Variants in PCNT observed in about 807,000 individuals in gnomAD.
PCNT encodes the protein pericentrin.
PCNT carries 319 observed loss-of-function variants against 380.4 expected under a neutral mutation model. The ratio of observed to expected loss-of-function variants is 0.84; its 90% CI spans 0.77 to 0.92. PCNT has a LOEUF of 0.92. Among genes scored for constraint, PCNT ranks in the 40% least tolerant of loss-of-function variants. The probability of loss-of-function intolerance (pLI) is 0.00; values close to 1 mark genes in which losing one functional copy is unlikely to be tolerated. For missense variants in PCNT, 4,400 were observed against 4,255.3 expected, an observed-to-expected ratio of 1.03 and a Z score of -0.95; for synonymous variants, 1,845 against 1,735.2, an observed-to-expected ratio of 1.06 and a Z score of -1.57.
At chr21:46,345,490 T>C (rs1346205187) in intron 3 of PCNT, among the ~76,000 whole-genome samples, 2 of 152,214 alleles carry the variant, frequency 1.3e-5, no homozygotes, top group East Asian at 3.8e-4. Context: ...ATTCTGGGAT[T>C]ATAGGCGTGA....
chr21:46,364,559 G>A (rs2084833489), intron 14 of PCNT, among the ~76,000 whole-genome samples: 1 of 152,204 alleles, frequency 6.6e-6, no homozygotes, highest in African/African-American at 2.4e-5. Context: ...AAGCGTTTTT[G>A]TGTTTTTTTT....
Position 46,445,362 on chromosome 21 carries a change from ATT to A in PCNT, c.*37_*38del. 1.3e-6 allele frequency: 2 copies of A among 1,519,138 alleles called. No individual in the cohort carries two copies. Among genetic ancestry groups the A allele is most frequent in the African/African-American group, 1.4e-5 (1 of 73,130 alleles). 94.1% of individuals were successfully genotyped at this position (1,519,138 alleles called of 1,614,324 possible). A position where few individuals can be genotyped will look rare whatever the true frequency, so the allele number is the denominator to read the frequency against. ...CATGGCTCTTTCCTGCGACAATTCTATTTGAGGAAAAGATTTGTTTTTCCCTT... is the reference window on the plus strand; with the variant it reads ...CATGGCTCTTTCCTGCGACAATTCTATGAGGAAAAGATTTGTTTTTCCCTT... On this transcript the variant is annotated 3_prime_UTR_variant, in exon 47 of 47. Coordinates refer to ENST00000359568, the MANE Select transcript of PCNT (RefSeq NM_006031.6).
At chr21:46,358,185 C>T (rs755303055) in intron 13 of PCNT, among the ~76,000 whole-genome samples, 7 of 152,250 alleles carry the variant, frequency 4.6e-5, no homozygotes, top group African/African-American at 7.2e-5. Context: ...GACGGGGCAG[C>T]TCAGGGTCCA....
chr21:46,354,075 G>C lies in PCNT; in HGVS notation c.1761+7G>C, dbSNP rs200657083. ...CGAGCCTGAGCGACATAAGGTAATT[G>C]GCCGCGCGCTGAGAAGTGGGGGAGT... On this transcript the variant is annotated splice_region_variant and intron_variant, in intron 11 of 46. Transcript: ENST00000359568. 2 of 1,613,124 alleles carry C rather than the reference G, an allele frequency of 1.2e-6. No individual in the cohort carries two copies. The highest frequency in any genetic ancestry group is 3.3e-5 in the Admixed American group (2 of 60,004).
rs1484616455 is a variant in PCNT, at chr21:46,366,746, G to T, written c.2772G>T (p.Gln924His). The T allele has an allele frequency of 1.2e-6, 2 of 1,613,558 alleles. No individual in the cohort carries two copies. The highest frequency in any genetic ancestry group is 3.3e-5 in the Admixed American group (2 of 60,030). ...SVTAELEARH[Q>H]AALGELTASL... is the part of the protein sequence containing the mutation. ...CGGCGGAGCTCGAGGCCAGACACCA[G>T]GCCGCGTTGGGCGAGCTGACAGCCT... is the stretch of plus-strand genomic sequence containing the variant. The change falls in exon 15 of 47, where the codon CAG (glutamine) becomes CAT (histidine). Residue 924 changes from glutamine to histidine, a missense_variant. Physicochemically the swap from Gln to His is conservative, Grantham distance 24. Transcript: ENST00000359568.
At chr21:46,334,860 C>T (rs752015719) in intron 3 of PCNT, 92 bp downstream of exon 3, 11 of 1,577,898 alleles carry the variant, frequency 7.0e-6, no homozygotes, top group African/African-American at 1.4e-5. Flanking sequence ...CCTTCCATCT[C>T]TGCAGGGCCT....
rs1385950267 is a variant in PCNT at position 46,411,817 on chromosome 21, C to A, written c.5744C>A (p.Ala1915Glu). The A allele has an allele frequency of 6.3e-7, 1 of 1,577,892 alleles. No homozygotes were observed. The highest frequency in any genetic ancestry group is 1.1e-5 in the South Asian group (1 of 89,182). ...LEQQPLAAGA[A>E]PPELQWLRAQ... is the part of the protein sequence containing the mutation. Reference sequence around the variant, plus strand: ...CAGCAGCCCCTGGCAGCCGGGGCGGCGCCTCCCGAGCTGCAGTGGCTCCGA... The same window carrying A: ...CAGCAGCCCCTGGCAGCCGGGGCGGAGCCTCCCGAGCTGCAGTGGCTCCGA... The change falls in exon 28 of 47, where the codon GCG becomes GAG. Residue 1915 changes from alanine to glutamate, a missense_variant. By Grantham distance (107) the Ala-to-Glu change is moderately radical (BLOSUM62 -1). Coordinates refer to ENST00000359568, the MANE Select transcript of PCNT (RefSeq NM_006031.6).
At chr21:46,344,020 T>A (rs1390203787) in intron 3 of PCNT, among the ~76,000 whole-genome samples, 1 of 152,148 alleles carries the variant, frequency 6.6e-6, no homozygotes, top group Non-Finnish European at 1.5e-5. Context: ...CCTTTCCTGG[T>A]TAATCTCACT....
At position 46,367,143 on chromosome 21, in the gene PCNT, A is replaced by G; in HGVS notation, c.3165+4A>G. The G allele has an allele frequency of 6.2e-7, 1 of 1,610,976 alleles. No individual in the cohort carries two copies. The highest frequency in any genetic ancestry group is 8.5e-7 in the Non-Finnish European group (1 of 1,179,716). ...CGAGCTGCAGGGAGTGCACCAGGTA[A>G]GGCGCCAGGGCCCTGCCCCAGCCCA... On this transcript the variant is annotated splice_donor_region_variant and intron_variant, in intron 15 of 46. Coordinates refer to ENST00000359568, the MANE Select transcript of PCNT (RefSeq NM_006031.6).
At chr21:46,431,432 G>T (rs2087757415) in intron 37 of PCNT, 97 bp from the exon 38 acceptor site, 10 of 1,597,774 alleles carry the variant, frequency 6.3e-6, no homozygotes, top group Non-Finnish European at 8.5e-6. Context: ...AGGTAGAATT[G>T]CTGGGCTAAA....
rs2053727548 is a variant in PCNT, at chr21:46,445,402, C to T, written c.*75C>T. The T allele has an allele frequency of 1.7e-6, 2 of 1,175,658 alleles. No homozygotes were observed. Among genetic ancestry groups the T allele is most frequent in the Non-Finnish European group, 2.6e-6 (2 of 779,698 alleles). The allele number at this position is 1,175,658 out of a possible 1,614,324, so 72.8% of individuals were successfully genotyped here. On this transcript the variant is annotated 3_prime_UTR_variant, in exon 47 of 47. Transcript: ENST00000359568. Reference sequence around the variant, plus strand: ...TTGTTTTTCCCTTTTCCCAAGGAAGCTCGTGGGACAGCATGGGCACTACTC... The same window carrying T: ...TTGTTTTTCCCTTTTCCCAAGGAAGTTCGTGGGACAGCATGGGCACTACTC...
At chr21:46,424,965 A>G (rs2087433083) in intron 32 of PCNT, among the ~76,000 whole-genome samples, 1 of 152,190 alleles carries the variant, frequency 6.6e-6, no homozygotes, top group Non-Finnish European at 1.5e-5. Context: ...ATTACAGGAA[A>G]GCCTATTTTC....
intron 31 of PCNT, among the ~76,000 whole-genome samples, chr21:46,421,565 C>T (rs1403926750): frequency 3.3e-5 from 5 of 152,210 alleles, no homozygotes; most frequent in African/African-American, 4.8e-5. Context: ...ATTGGATGCC[C>T]GTCCGCTGCC....
intron 24 of PCNT, among the ~76,000 whole-genome samples, 194 bp from the exon 25 acceptor site, chr21:46,399,396 G>C (rs866227965): frequency 1.4e-3 from 194 of 136,988 alleles, no homozygotes; most frequent in African/African-American, 4.5e-3. Context: ...TGCAGCCTGT[G>C]GGTCTAGGTC....
At chr21:46,442,395 G>A (rs946332590) in intron 43 of PCNT, 102 bp from the exon 44 acceptor site, 8 of 754,296 alleles carry the variant, frequency 1.1e-5, no homozygotes, top group South Asian at 2.9e-5. Context: ...CATGGGCAGC[G>A]AGGCCCCCAT....
intron 26 of PCNT, among the ~76,000 whole-genome samples, chr21:46,402,035 G>A (rs1051006263): frequency 3.9e-5 from 6 of 152,054 alleles, no homozygotes; most frequent in African/African-American, 9.7e-5. Context: ...GGTATTTTTA[G>A]TAGAGACAGG....
In PCNT at chr21:46,411,417, G is replaced by A. The variant is rs766197671; in HGVS notation, c.5344G>A (p.Gly1782Ser). The change falls in exon 28 of 47, where the codon GGC becomes AGC. Residue 1782 changes from glycine to serine, a missense_variant. Gly to Ser is a moderately conservative substitution (Grantham distance 56, BLOSUM62 0). Coordinates refer to ENST00000359568, the MANE Select transcript of PCNT (RefSeq NM_006031.6). Reference protein sequence around the residue: ...QSELLCSQAGGPRGQALQGEL... With the variant: ...QSELLCSQAGSPRGQALQGEL... ...CGAGCTGCTCTGCTCCCAGGCCGGG[G>A]GCCCTCGTGGGCAGGCCCTACAGGG... is the stretch of plus-strand genomic sequence containing the variant. 1 of 1,612,916 alleles carries A rather than the reference G, an allele frequency of 6.2e-7. No homozygotes were observed. The highest frequency in any genetic ancestry group is 8.5e-7 in the Non-Finnish European group (1 of 1,179,874).
In PCNT at chr21:46,389,398, C is replaced by T. The variant is rs765810772; in HGVS notation, c.3807C>T (p.Gly1269=). The T allele has an allele frequency of 6.2e-7, 1 of 1,614,136 alleles. No individual in the cohort carries two copies. The highest frequency in any genetic ancestry group is 1.1e-5 in the South Asian group (1 of 91,088). The part of the protein sequence containing the change: ...VFQSLSLAVD[G]LMEMALDSSR... ...AGAGCCTCAGCCTGGCCGTGGACGGCCTCATGGAGATGGCCCTGGACTCCA... is the reference window on the plus strand; with the variant it reads ...AGAGCCTCAGCCTGGCCGTGGACGGTCTCATGGAGATGGCCCTGGACTCCA... The change falls in exon 19 of 47, where the codon GGC becomes GGT. Residue 1269 remains glycine (G), a synonymous_variant. Transcript: ENST00000359568.
intron 3 of PCNT, among the ~76,000 whole-genome samples, chr21:46,344,073 T>TC (rs1027939454): frequency 6.6e-6 from 1 of 151,522 alleles, no homozygotes; most frequent in Non-Finnish European, 1.5e-5. Flanking sequence ...TCTTTTCTTT[T>TC]TTTTTTTTTG....
Sources: allele counts gnomAD v4.1 joint callset (sites outside exome capture counted in the v4.1 genomes callset), GRCh38; gene constraint gnomAD v4.1.1; transcripts MANE v1.5; gene names NCBI Gene and HGNC (gene_info 2026-07-23, HGNC 2026-07-21).